The following GALNTL6 variants were observed in gnomAD, a reference collection of about 807,000 sequenced individuals.
GALNTL6 encodes polypeptide N-acetylgalactosaminyltransferase like 6, also known as polypeptide N-acetylgalactosaminyltransferase-like 6.
Under a neutral mutation model 73.7 loss-of-function variants are expected in GALNTL6, and 46 were observed. The ratio of observed to expected loss-of-function variants is 0.62; its 90% CI spans 0.49 to 0.80. GALNTL6 has a LOEUF of 0.80. Among genes scored for constraint, GALNTL6 ranks in the 30% least tolerant of loss-of-function variants. The pLI, the probability that GALNTL6 is intolerant of heterozygous loss-of-function variation, is 0.00. For synonymous variants in GALNTL6, 259 were observed against 263.7 expected, an observed-to-expected ratio of 0.98 and a Z score of 0.17; for missense variants, 604 against 755.0, an observed-to-expected ratio of 0.80 and a Z score of 2.34.
At chr4:172,887,075 CAT>C (rs948422152) in intron 8 of GALNTL6, among the ~76,000 whole-genome samples, 9 of 152,092 alleles carry the variant, frequency 5.9e-5, no homozygotes, top group African/African-American at 1.7e-4. Flanking sequence ...TAAGTGAAAA[CAT>C]GTGGTATTTG....
chr4:172,666,335 C>T (rs1361170785), intron 5 of GALNTL6, among the ~76,000 whole-genome samples: 1 of 152,130 alleles, frequency 6.6e-6, no homozygotes, highest in Non-Finnish European at 1.5e-5. Flanking sequence ...TGAAATGGAG[C>T]ATGAAAGTTA....
intron 5 of GALNTL6, among the ~76,000 whole-genome samples, chr4:172,670,528 C>T (rs951569415): frequency 2.0e-5 from 3 of 151,728 alleles, no homozygotes; most frequent in African/African-American, 7.3e-5. Flanking sequence ...TGTTTAAGTT[C>T]CTTATAGAAG....
chr4:172,760,344 T>C (rs1411953438), intron 5 of GALNTL6, among the ~76,000 whole-genome samples: 2 of 152,194 alleles, frequency 1.3e-5, no homozygotes, highest in South Asian at 4.1e-4. Flanking sequence ...TATTTCCTTG[T>C]AGAAATGTGC....
chr4:172,578,675 C>T (rs958985558), intron 5 of GALNTL6, among the ~76,000 whole-genome samples: 6 of 152,184 alleles, frequency 3.9e-5, no homozygotes, highest in African/African-American at 1.4e-4. Flanking sequence ...TCCTCTGACA[C>T]TCCGTGGTTT....
At chr4:172,822,801 T>A (rs1009237704) in intron 7 of GALNTL6, among the ~76,000 whole-genome samples, 9 of 152,200 alleles carry the variant, frequency 5.9e-5, no homozygotes, top group African/African-American at 2.2e-4. Flanking sequence ...TCCATTTACC[T>A]GTTATATCAA....
intron 2 of GALNTL6, among the ~76,000 whole-genome samples, chr4:171,860,494 G>T (rs533093041): frequency 6.6e-6 from 1 of 152,266 alleles, no homozygotes; most frequent in East Asian, 1.9e-4. Context: ...CCTCTAGATT[G>T]CTCATTGTGG....
intron 11 of GALNTL6, among the ~76,000 whole-genome samples, chr4:173,012,208 G>A (rs997210982): frequency 6.6e-6 from 1 of 152,126 alleles, no homozygotes; most frequent in East Asian, 1.9e-4. Context: ...TCCCAGTAAG[G>A]CGTTACTGCC....
chr4:172,576,988 G>A (rs1736979642), intron 5 of GALNTL6, among the ~76,000 whole-genome samples: 1 of 152,108 alleles, frequency 6.6e-6, no homozygotes, highest in Non-Finnish European at 1.5e-5. Context: ...GTCACAATCT[G>A]TCAGACACTG....
intron 7 of GALNTL6, among the ~76,000 whole-genome samples, chr4:172,855,042 C>A (rs1490252818): frequency 6.6e-6 from 1 of 152,080 alleles, no homozygotes; most frequent in East Asian, 1.9e-4. Context: ...CCTTACTGAG[C>A]TTTCTTCTAC....
intron 2 of GALNTL6, among the ~76,000 whole-genome samples, chr4:171,965,770 A>G (rs1739367445): frequency 6.6e-6 from 1 of 152,138 alleles, no homozygotes; most frequent in African/African-American, 2.4e-5. Context: ...AAAGAAATAA[A>G]ATTGTATTTG....
chr4:171,897,027 TATTA>T (rs10539342), intron 2 of GALNTL6, among the ~76,000 whole-genome samples: 79,847 of 151,284 alleles, frequency 0.53, 21,537 homozygotes, highest in Middle Eastern at 0.66. Flanking sequence ...TTATATTAAA[TATTA>T]ATTAACTGAA....
chr4:172,089,286 T>C (rs1246342540), intron 2 of GALNTL6, among the ~76,000 whole-genome samples: 1 of 152,166 alleles, frequency 6.6e-6, no homozygotes, highest in African/African-American at 2.4e-5. Flanking sequence ...TTTTCAAGTC[T>C]GGAGGGCAGT....
chr4:172,049,913 G>A (rs1218353984), intron 2 of GALNTL6, among the ~76,000 whole-genome samples: 1 of 152,028 alleles, frequency 6.6e-6, no homozygotes, highest in African/African-American at 2.4e-5. Flanking sequence ...GAACCCAGGA[G>A]GCAGAGGTTG....
In GALNTL6 at chr4:172,454,620, G is replaced by A. The variant is rs539384353; in HGVS notation, c.553+105931G>A. On this transcript the variant is annotated intron_variant, in intron 5 of 12. Coordinates refer to ENST00000506823, the MANE Select transcript of GALNTL6 (RefSeq NM_001034845.3). The stretch of plus-strand genomic sequence containing the variant: ...GATTAGAAATAATTGGTGCCCAAGT[G>A]TCCAACATAGAATAAACTTGTCACT... Among the ~76,000 whole-genome samples, 20 of 152,350 alleles carry A rather than the reference G, an allele frequency of 1.3e-4. No homozygotes were observed. In the South Asian group the frequency reaches 3.1e-3, roughly 24 times the overall value.
intron 5 of GALNTL6, among the ~76,000 whole-genome samples, chr4:172,514,828 ATTTCAGCTC>A (rs376921105): frequency 3.7e-4 from 57 of 152,128 alleles, no homozygotes; most frequent in African/African-American, 1.3e-3. Context: ...CTCTAAATTT[ATTTCAGCTC>A]TAGGTAAGGT....
intron 5 of GALNTL6, among the ~76,000 whole-genome samples, chr4:172,534,299 TC>T (rs1444402110): frequency 3.3e-5 from 5 of 152,068 alleles, no homozygotes; most frequent in Admixed American, 6.6e-5. Flanking sequence ...TGCTAGAAAA[TC>T]CCTTACACAC....
chr4:172,379,402 C>T (rs1407602802), intron 5 of GALNTL6, among the ~76,000 whole-genome samples: 7 of 151,742 alleles, frequency 4.6e-5, no homozygotes, highest in Non-Finnish European at 7.4e-5. Flanking sequence ...CGGTGGCGGG[C>T]GCCTGTAGTC....
At chr4:172,728,766 A>G (rs1735979939) in intron 5 of GALNTL6, among the ~76,000 whole-genome samples, 2 of 152,188 alleles carry the variant, frequency 1.3e-5, no homozygotes, top group Non-Finnish European at 2.9e-5. Flanking sequence ...AGACAATATG[A>G]AAGTTCTACT....
chr4:172,519,553 A>G (rs2110813153), intron 5 of GALNTL6, among the ~76,000 whole-genome samples: 1 of 149,544 alleles, frequency 6.7e-6, no homozygotes, highest in African/African-American at 2.5e-5. Context: ...GGGGAGGAGT[A>G]GGGCATAGTT....
Sources: gnomAD v4.1 joint callset for allele counts (sites outside exome capture counted in the v4.1 genomes callset) on GRCh38, gnomAD v4.1.1 for gene constraint, MANE v1.5 for transcripts, NCBI Gene and HGNC (gene_info 2026-07-23, HGNC 2026-07-21) for gene names.